C1orf21: variants seen among roughly 807,000 people sequenced by gnomAD.
C1orf21 encodes chromosome 1 open reading frame 21, also known as uncharacterized protein C1orf21.
C1orf21 carries 3 observed loss-of-function variants against 18.7 expected under a neutral mutation model. That is an observed-to-expected ratio of 0.16 (90% confidence interval 0.07 to 0.42). C1orf21 has a LOEUF of 0.42. Among genes scored for constraint, C1orf21 ranks in the 10% least tolerant of loss-of-function variants. The pLI is 0.99. For missense variants in C1orf21, 104 were observed against 143.6 expected, an observed-to-expected ratio of 0.72 and a Z score of 1.41; for synonymous variants, 41 against 46.4, an observed-to-expected ratio of 0.88 and a Z score of 0.47.
intron 3 of C1orf21, among the ~76,000 whole-genome samples, chr1:184,555,637 A>G (rs1015615148): frequency 7.6e-5 from 11 of 145,386 alleles, no homozygotes; most frequent in Non-Finnish European, 1.7e-4. Context: ...TTGTGCCCCC[A>G]TTTTTTTTCT....
chr1:184,435,116 G>A (rs1429887199), intron 1 of C1orf21, among the ~76,000 whole-genome samples: 1 of 152,222 alleles, frequency 6.6e-6, no homozygotes, highest in Non-Finnish European at 1.5e-5. Flanking sequence ...CTGGTGAGAT[G>A]TATGAGGAAA....
Position 184,501,892 on chromosome 1 carries a change from GA to G in C1orf21, c.95-5689del, listed in dbSNP as rs1320324482. Among the ~76,000 whole-genome samples, 27 of 151,090 alleles carry G rather than the reference GA, an allele frequency of 1.8e-4. 1 individual carries two copies. Among genetic ancestry groups the G allele is most frequent in the African/African-American group, 6.1e-4 (25 of 41,224 alleles). ...AAGAAAAACACCACACCTCTAATAA[GA>G]AAAAAAGGGCAAAGGATATGAAGAG... On this transcript the variant is annotated intron_variant, in intron 2 of 5. Transcript: ENST00000235307.
chr1:184,411,767 G>A (rs1179521313), intron 1 of C1orf21, among the ~76,000 whole-genome samples: 1 of 152,178 alleles, frequency 6.6e-6, no homozygotes, highest in Non-Finnish European at 1.5e-5. Flanking sequence ...GCTTCTATAT[G>A]TTCTGTCATA....
intron 1 of C1orf21, among the ~76,000 whole-genome samples, chr1:184,435,354 T>C (rs907488641): frequency 6.6e-6 from 1 of 152,162 alleles, no homozygotes; most frequent in African/African-American, 2.4e-5. Context: ...GTCGTTGTTG[T>C]TGCTTTTGAG....
intron 2 of C1orf21, among the ~76,000 whole-genome samples, chr1:184,491,512 A>G (rs766195618): frequency 6.6e-6 from 1 of 152,032 alleles, no homozygotes; most frequent in Non-Finnish European, 1.5e-5. Context: ...CCCCATGCCC[A>G]GCTAATTTTT....
intron 2 of C1orf21, among the ~76,000 whole-genome samples, chr1:184,504,320 C>G (rs757944340): frequency 2.8e-5 from 4 of 142,054 alleles, no homozygotes; most frequent in South Asian, 2.2e-4. Flanking sequence ...TCTCCCTTCT[C>G]TTCCTCGAGT....
intron 1 of C1orf21, among the ~76,000 whole-genome samples, chr1:184,389,236 G>T (rs1655933962): frequency 6.6e-6 from 1 of 151,888 alleles, no homozygotes; most frequent in South Asian, 2.1e-4. Flanking sequence ...TCTTGGGTGG[G>T]TGGGTGCCTG....
At chr1:184,504,136 A>T (rs1658017044) in intron 2 of C1orf21, among the ~76,000 whole-genome samples, 1 of 152,200 alleles carries the variant, frequency 6.6e-6, no homozygotes, top group Non-Finnish European at 1.5e-5. Flanking sequence ...CTTTTACCCC[A>T]GATCTATTTT....
chr1:184,584,716 C>T (rs1659329423), intron 3 of C1orf21, among the ~76,000 whole-genome samples: 1 of 152,164 alleles, frequency 6.6e-6, no homozygotes, highest in Admixed American at 6.5e-5. Flanking sequence ...TGTATCCATA[C>T]ATTGGAATAT....
intron 1 of C1orf21, among the ~76,000 whole-genome samples, chr1:184,460,640 CT>C (rs1657290542): frequency 2.9e-5 from 4 of 138,242 alleles, no homozygotes; most frequent in Non-Finnish European, 6.3e-5. Context: ...TCTTCTTCTT[CT>C]TCTTCTTCTT....
rs1258730170 is a variant in C1orf21, at chr1:184,628,629, A to C, written c.*9073A>C. The C allele has an allele frequency of 2.0e-5, 3 of 152,548 alleles. No homozygotes were observed. Among genetic ancestry groups the C allele is most frequent in the African/African-American group, 7.2e-5 (3 of 41,424 alleles). 9.4% of individuals were successfully genotyped at this position (152,548 alleles called of 1,614,324 possible). A position where few individuals can be genotyped will look rare whatever the true frequency, so the allele number is the denominator to read the frequency against. On this transcript the variant is annotated 3_prime_UTR_variant, in exon 6 of 6. Coordinates refer to ENST00000235307, the MANE Select transcript of C1orf21 (RefSeq NM_030806.4). Reference sequence around the variant, plus strand: ...ACAACATAAATGTAAATAATTCAAAACCCTAAAGGAGAGCTGTCCCTAGAC... The same window carrying C: ...ACAACATAAATGTAAATAATTCAAACCCCTAAAGGAGAGCTGTCCCTAGAC...
intron 1 of C1orf21, among the ~76,000 whole-genome samples, chr1:184,464,159 C>T (rs1190706576): frequency 1.3e-5 from 2 of 152,132 alleles, no homozygotes; most frequent in African/African-American, 4.8e-5. Flanking sequence ...TGGAGGCATT[C>T]ATTTATTTTT....
chr1:184,388,473 G>A (rs935921032), intron 1 of C1orf21, among the ~76,000 whole-genome samples: 50 of 152,270 alleles, frequency 3.3e-4, no homozygotes, highest in African/African-American at 1.2e-3. Flanking sequence ...GTTGTCCGTG[G>A]CTGGAAGACA....
At chr1:184,400,499 A>G (rs1000440792) in intron 1 of C1orf21, among the ~76,000 whole-genome samples, 1 of 152,198 alleles carries the variant, frequency 6.6e-6, no homozygotes, top group Admixed American at 6.5e-5. Context: ...TGCCTACTGT[A>G]GTTCTGCACC....
chr1:184,577,204 G>A (rs1005753872), intron 3 of C1orf21, among the ~76,000 whole-genome samples: 5 of 150,736 alleles, frequency 3.3e-5, no homozygotes, highest in Admixed American at 1.3e-4. Flanking sequence ...ACAAGGATTC[G>A]TACAAGAGGG....
At chr1:184,534,086 C>T (rs192442716) in intron 3 of C1orf21, among the ~76,000 whole-genome samples, 13 of 152,316 alleles carry the variant, frequency 8.5e-5, no homozygotes, top group African/African-American at 2.9e-4. Context: ...ACAGTAACCA[C>T]TCTGAATAGT....
chr1:184,453,535 G>C (rs147604524), intron 1 of C1orf21, among the ~76,000 whole-genome samples: 1 of 152,210 alleles, frequency 6.6e-6, no homozygotes, highest in African/African-American at 2.4e-5. Context: ...TTAATGTTTT[G>C]TCTTTTTATT....
intron 1 of C1orf21, among the ~76,000 whole-genome samples, chr1:184,396,567 C>T (rs890337372): frequency 1.3e-5 from 2 of 152,160 alleles, no homozygotes; most frequent in African/African-American, 4.8e-5. Flanking sequence ...GGTGTGTATG[C>T]TCTCTTAGAA....
In C1orf21 at chr1:184,488,924, C is replaced by T. The variant is rs574434783; in HGVS notation, c.94+11321C>T. On this transcript the variant is annotated intron_variant, in intron 2 of 5. Coordinates refer to ENST00000235307, the MANE Select transcript of C1orf21 (RefSeq NM_030806.4). ...AGGTTGCAGTGAGCCAAGATCATGCCACTGCACTCCAGCCTGGGCGACAGA... is the reference window on the plus strand; with the variant it reads ...AGGTTGCAGTGAGCCAAGATCATGCTACTGCACTCCAGCCTGGGCGACAGA... 3.9e-5 allele frequency among the ~76,000 whole-genome samples: 6 copies of T among 152,230 alleles called. No homozygotes were observed. In the South Asian group the frequency reaches 6.2e-4, roughly 16 times the overall value.
Sources: allele counts gnomAD v4.1 joint callset (sites outside exome capture counted in the v4.1 genomes callset), GRCh38; gene constraint gnomAD v4.1.1; transcripts MANE v1.5; gene names NCBI Gene and HGNC (gene_info 2026-07-23, HGNC 2026-07-21).